The following NBPF3 variants were observed in gnomAD, a reference collection of about 807,000 sequenced individuals.
NBPF3 encodes the protein NBPF family member NBPF3.
Under a neutral mutation model 78.1 loss-of-function variants are expected in NBPF3, and 57 were observed. That is an observed-to-expected ratio of 0.73 (90% CI 0.59 to 0.91). NBPF3 has a LOEUF of 0.91. NBPF3 is among the 40% of genes least tolerant of loss of function. The probability of loss-of-function intolerance (pLI) is 0.00; values close to 1 mark genes in which losing one functional copy is unlikely to be tolerated. For synonymous variants in NBPF3, 182 were observed against 271.7 expected (o/e 0.67, Z 3.25); for missense variants, 510 against 715.3 (o/e 0.71, Z 3.27).
rs570789686 is a variant in NBPF3, at chr1:21,475,118, A to C, written c.992+167A>C. 2.6e-5 allele frequency among the ~76,000 whole-genome samples: 4 copies of C among 152,282 alleles called. No individual in the cohort carries two copies. The East Asian group carries it at 7.7e-4, about 29-fold the overall frequency. ...TATTTGTGGCCCTTGTGTTGGTTTT[A>C]ATTTCGTAGTCCTCTCAAGATAGGA... On this transcript the variant is annotated intron_variant, in intron 8 of 14. Transcript: ENST00000318249.
In NBPF3 at chr1:21,473,562, T is replaced by G. The variant is rs941715526; in HGVS notation, c.917T>G (p.Leu306Trp). 2 of 1,613,976 alleles carry G rather than the reference T, an allele frequency of 1.2e-6. No individual in the cohort carries two copies. Among genetic ancestry groups the G allele is most frequent in the Admixed American group, 3.3e-5 (2 of 60,008 alleles). Residue 306 changes from leucine (L) to tryptophan (W), a missense_variant, in exon 7 of 15, where the codon TTG becomes TGG. Physicochemically the swap from Leu to Trp is moderately conservative, Grantham distance 61 (BLOSUM62 -2). Coordinates refer to ENST00000318249, the MANE Select transcript of NBPF3 (RefSeq NM_032264.6). ...GACTCATCCTCTCATGATGAATGGT[T>G]GGATGCTGTATGCATTATCCCAGGT... Reference protein sequence around the residue: ...LIDSSSHDEWLDAVCIIPENE... With the variant: ...LIDSSSHDEWWDAVCIIPENE...
intron 10 of NBPF3, among the ~76,000 whole-genome samples, chr1:21,479,820 C>CTCTCTCTGTGTGTGTGTGTGTGTGTG (rs766796014): frequency 2.9e-5 from 3 of 102,880 alleles, no homozygotes; most frequent in Admixed American, 2.1e-4. Context: ...CTCTCTCTCT[C>CTCTCTCTGTGTGTGTGTGTGTGTGTG]TGTGTGTGTG....
At chr1:21,471,928 C>A in intron 5 of NBPF3, 145 bp downstream of exon 5, 2 of 1,169,052 alleles carry the variant, frequency 1.7e-6, no homozygotes, top group Non-Finnish European at 2.5e-6. Context: ...ATAACCAGGA[C>A]TTCCTGGGTA....
chr1:21,437,343 G>C (rs1377769982), upstream of NBPF3: 7 of 475,706 alleles, frequency 1.5e-5, no homozygotes, highest in South Asian at 2.5e-5. Context: ...GGAGTTGTCC[G>C]GGACCCCAGG....
intron 1 of NBPF3, chr1:21,440,659 A>G (rs1421370531): frequency 1.3e-5 from 2 of 152,246 alleles, no homozygotes; most frequent in East Asian, 3.9e-4. Context: ...TGTAGAGGAC[A>G]CTGACTCCGC....
chr1:21,482,931 GTCTC>G (rs1194841206), intron 14 of NBPF3, among the ~76,000 whole-genome samples: 1 of 60,078 alleles, frequency 1.7e-5, no homozygotes, highest in East Asian at 6.8e-4. Context: ...CTCTCTCTCT[GTCTC>G]TCTCTCTCAC....
chr1:21,449,920 CATTG>C (rs34361598), intron 2 of NBPF3: 94,154 of 264,384 alleles, frequency 0.36, 22,619 homozygotes, highest in Admixed American at 0.54. Flanking sequence ...GTAGTTCTTT[CATTG>C]ATTGATTGAT....
intron 2 of NBPF3, chr1:21,468,431 G>A: frequency 7.3e-7 from 1 of 1,367,650 alleles, no homozygotes; most frequent in Non-Finnish European, 9.4e-7. Flanking sequence ...TTCTGTTATT[G>A]CAACTGCAGA....
At chr1:21,442,061 A>G (rs927659653) in intron 1 of NBPF3, among the ~76,000 whole-genome samples, 4 of 152,040 alleles carry the variant, frequency 2.6e-5, no homozygotes, top group African/African-American at 7.2e-5. Flanking sequence ...CTTTTTATCC[A>G]GTTTTCATTG....
chr1:21,478,568 G>A (rs561854999), intron 9 of NBPF3, among the ~76,000 whole-genome samples: 4 of 152,340 alleles, frequency 2.6e-5, no homozygotes, highest in South Asian at 4.1e-4. Flanking sequence ...AACACAAGAC[G>A]GGCGTGGCAA....
intron 1 of NBPF3, among the ~76,000 whole-genome samples, chr1:21,444,271 A>G (rs778166554): frequency 6.6e-5 from 10 of 152,240 alleles, no homozygotes; most frequent in Non-Finnish European, 1.3e-4. Context: ...CATGAAAGGA[A>G]ATGTCAATGA....
At chr1:21,446,669 A>C (rs1394982162) in intron 2 of NBPF3, among the ~76,000 whole-genome samples, 5 of 150,650 alleles carry the variant, frequency 3.3e-5, no homozygotes, top group African/African-American at 1.2e-4. Flanking sequence ...ACTTTTTTGA[A>C]GAGATCACAC....
In NBPF3 at chr1:21,478,308, G is replaced by T. The variant is rs1410804983; in HGVS notation, c.1156+1G>T. On this transcript the variant is annotated splice_donor_variant, in intron 9 of 14. Transcript: ENST00000318249. LOFTEE classifies it high-confidence loss of function. ...GTCGGCTTGGCTCTTGACATAGGCA[G>T]TGAGTACTCCATTTTGAAGGTGATA... The T allele has an allele frequency of 6.2e-7, 1 of 1,613,356 alleles. No individual in the cohort carries two copies. The highest frequency in any genetic ancestry group is 8.5e-7 in the Non-Finnish European group (1 of 1,179,628).
At chr1:21,477,470 C>T (rs1420726634) in intron 8 of NBPF3, among the ~76,000 whole-genome samples, 2 of 152,056 alleles carry the variant, frequency 1.3e-5, no homozygotes, top group Non-Finnish European at 2.9e-5. Context: ...GTGTGGATGT[C>T]CTTTTGTTGA....
chr1:21,477,001 C>G (rs554483107), intron 8 of NBPF3, among the ~76,000 whole-genome samples: 4 of 152,198 alleles, frequency 2.6e-5, no homozygotes, highest in Non-Finnish European at 5.9e-5. Flanking sequence ...CTCTAAACTG[C>G]TCTTCTCACT....
At chr1:21,459,524 T>G (rs763808918) in intron 2 of NBPF3, among the ~76,000 whole-genome samples, 26 of 152,172 alleles carry the variant, frequency 1.7e-4, no homozygotes, top group Non-Finnish European at 3.2e-4. Flanking sequence ...CATCTATCCC[T>G]GGCCCCCAGC....
intron 3 of NBPF3, 39 bp downstream of exon 3, chr1:21,468,936 G>C: frequency 6.8e-7 from 1 of 1,473,972 alleles, no homozygotes; most frequent in East Asian, 2.3e-5. Flanking sequence ...AGCGATGAAT[G>C]ATGTCCTGTC....
At chr1:21,473,121 A>G (rs1642694770) in intron 6 of NBPF3, among the ~76,000 whole-genome samples, 2 of 152,100 alleles carry the variant, frequency 1.3e-5, no homozygotes, top group Non-Finnish European at 2.9e-5. Flanking sequence ...CCGTACAGGG[A>G]TAGCTGAGTT....
intron 2 of NBPF3, 166 bp from the exon 3 acceptor site, chr1:21,468,522 G>A (rs1164282771): frequency 3.4e-6 from 5 of 1,483,156 alleles, no homozygotes; most frequent in African/African-American, 1.4e-5. Flanking sequence ...CAGGCACCTC[G>A]AACATTGTTT....
Sources: gnomAD v4.1 joint callset for allele counts (sites outside exome capture counted in the v4.1 genomes callset) on GRCh38, gnomAD v4.1.1 for gene constraint, MANE v1.5 for transcripts, NCBI Gene and HGNC (gene_info 2026-07-23, HGNC 2026-07-21) for gene names.